CNTLN: variants seen among roughly 807,000 people sequenced by gnomAD.
CNTLN encodes the protein centlein, centrosomal protein.
In CNTLN, 212 loss-of-function variants were observed where a neutral mutation model predicts 180.0. The ratio of observed to expected loss-of-function variants is 1.18; its 90% CI spans 1.05 to 1.32. The LOEUF (loss-of-function observed/expected upper bound fraction) is 1.32, where lower values mean the gene tolerates loss of function less well. Ranked by LOEUF, CNTLN falls within the 40% of genes most tolerant of loss-of-function variation. The pLI is 0.00. For missense variants in CNTLN, 2,095 were observed against 1,610.9 expected, an observed-to-expected ratio of 1.30 and a Z score of -5.14; for synonymous variants, 722 against 563.1, an observed-to-expected ratio of 1.28 and a Z score of -3.99.
At chr9:17,456,578 A>G (rs1831129048) in intron 18 of CNTLN, among the ~76,000 whole-genome samples, 1 of 152,140 alleles carries the variant, frequency 6.6e-6, no homozygotes, top group South Asian at 2.1e-4. Flanking sequence ...TTTCATGTTT[A>G]TCTTACTGTA....
chr9:17,233,378 T>C (rs1385363181), intron 3 of CNTLN, among the ~76,000 whole-genome samples: 2 of 152,160 alleles, frequency 1.3e-5, no homozygotes. Flanking sequence ...ATGAAGCATG[T>C]CTGTTTTATA....
chr9:17,319,245 T>C (rs1193350736), intron 8 of CNTLN, among the ~76,000 whole-genome samples: 2 of 152,334 alleles, frequency 1.3e-5, no homozygotes, highest in East Asian at 1.9e-4. Context: ...GGCTAAGTAC[T>C]TCTTGTAATC....
intron 2 of CNTLN, among the ~76,000 whole-genome samples, chr9:17,188,321 A>G (rs1821564668): frequency 1.3e-5 from 2 of 152,054 alleles, no homozygotes; most frequent in Admixed American, 6.5e-5. Flanking sequence ...CAGTTCTACC[A>G]TGAGGGTATA....
At chr9:17,174,460 C>T (rs1281632483) in intron 2 of CNTLN, among the ~76,000 whole-genome samples, 1 of 152,114 alleles carries the variant, frequency 6.6e-6, no homozygotes, top group Non-Finnish European at 1.5e-5. Context: ...CTTTGGGAGG[C>T]CGAGGTGGGT....
the CNTLN span, among the ~76,000 whole-genome samples, chr9:17,522,552 T>G: frequency 1.3e-5 from 2 of 152,140 alleles, no homozygotes; most frequent in Non-Finnish European, 2.9e-5. Flanking sequence ...AAGATTCTTG[T>G]GGTTTTACGA....
intron 7 of CNTLN, among the ~76,000 whole-genome samples, chr9:17,302,339 AG>A (rs1231894881): frequency 6.6e-6 from 1 of 152,048 alleles, no homozygotes; most frequent in Non-Finnish European, 1.5e-5. Flanking sequence ...CTGGGACTAC[AG>A]GCACGTGCCA....
chr9:17,301,822 C>T, intron 7 of CNTLN: 1 of 980,906 alleles, frequency 1.0e-6, no homozygotes, highest in Non-Finnish European at 1.2e-6. Flanking sequence ...ATTCCATCTC[C>T]CAGAGGCAAA....
intron 16 of CNTLN, among the ~76,000 whole-genome samples, chr9:17,412,136 C>T (rs141575880): frequency 6.6e-6 from 1 of 151,994 alleles, no homozygotes; most frequent in East Asian, 1.9e-4. Context: ...AAGTTCTGCC[C>T]TCCCCAAGCA....
intron 12 of CNTLN, among the ~76,000 whole-genome samples, chr9:17,343,668 A>G (rs1403137792): frequency 6.6e-6 from 1 of 152,190 alleles, no homozygotes; most frequent in East Asian, 1.9e-4. Context: ...CAGTAGCTTT[A>G]TTGAAATATA....
intron 6 of CNTLN, among the ~76,000 whole-genome samples, chr9:17,297,067 T>C (rs375032993): frequency 8.5e-5 from 13 of 152,234 alleles, no homozygotes; most frequent in African/African-American, 2.7e-4. Flanking sequence ...ATGGATTCCA[T>C]ATCCACGGAT....
chr9:17,193,214 A>G (rs975475717), intron 2 of CNTLN, among the ~76,000 whole-genome samples: 2 of 152,076 alleles, frequency 1.3e-5, no homozygotes, highest in Non-Finnish European at 2.9e-5. Context: ...GCCCCTCCGC[A>G]TGTCATGTCC....
downstream of CNTLN, among the ~76,000 whole-genome samples, chr9:17,505,001 A>C (rs987411758): frequency 1.3e-5 from 2 of 152,208 alleles, no homozygotes; most frequent in African/African-American, 2.4e-5. Context: ...ATCTATGTTC[A>C]TGAGGGATAT....
intron 16 of CNTLN, 91 bp downstream of exon 16, chr9:17,409,564 T>A: frequency 2.2e-6 from 2 of 901,972 alleles, no homozygotes; most frequent in Non-Finnish European, 3.3e-6. Context: ...ACTACTGATT[T>A]AATTTGAATT....
chr9:17,165,953 C>A (rs1820042466), intron 2 of CNTLN, among the ~76,000 whole-genome samples: 1 of 152,180 alleles, frequency 6.6e-6, no homozygotes, highest in South Asian at 2.1e-4. Context: ...AGCCCTCCAC[C>A]CCCATCCTAG....
intron 15 of CNTLN, among the ~76,000 whole-genome samples, chr9:17,405,454 C>G (rs1176126190): frequency 6.6e-6 from 1 of 151,686 alleles, no homozygotes; most frequent in Non-Finnish European, 1.5e-5. Context: ...TCATCATGGC[C>G]GAAGGTGGAA....
intron 2 of CNTLN, among the ~76,000 whole-genome samples, chr9:17,155,738 T>G (rs886281122): frequency 3.9e-5 from 6 of 152,094 alleles, no homozygotes; most frequent in African/African-American, 1.4e-4. Context: ...ACCACTTGGC[T>G]TCATGGCTTC....
chr9:17,386,790 C>T (rs1003556580), intron 13 of CNTLN, among the ~76,000 whole-genome samples: 3 of 152,108 alleles, frequency 2.0e-5, no homozygotes, highest in Non-Finnish European at 4.4e-5. Context: ...TGTTGGCATC[C>T]CATGCTCTTT....
At chr9:17,341,071 T>G in intron 11 of CNTLN, 123 bp downstream of exon 11, 1 of 852,862 alleles carries the variant, frequency 1.2e-6, no homozygotes. Flanking sequence ...AAATCTTTAT[T>G]GTGAATTTTT....
At chr9:17,265,850 T>C (rs946705962) in intron 5 of CNTLN, among the ~76,000 whole-genome samples, 5 of 152,216 alleles carry the variant, frequency 3.3e-5, no homozygotes, top group African/African-American at 9.6e-5. Flanking sequence ...TATTCTTTCA[T>C]GGTTGTTTGT....
Sources: gnomAD v4.1 joint callset for allele counts (sites outside exome capture counted in the v4.1 genomes callset) on GRCh38, gnomAD v4.1.1 for gene constraint, MANE v1.5 for transcripts, NCBI Gene and HGNC (gene_info 2026-07-23, HGNC 2026-07-21) for gene names.